CAMKV: variants seen among roughly 807,000 people sequenced by gnomAD.
CAMKV encodes CaM kinase like vesicle associated.
A neutral mutation model predicts 50.2 loss-of-function variants in CAMKV; 5 were observed. The observed-to-expected ratio is 0.10, with a 90% CI of 0.05 to 0.21. The LOEUF (loss-of-function observed/expected upper bound fraction) is 0.21, where lower values mean the gene tolerates loss of function less well. CAMKV is among the 10% of genes least tolerant of loss of function. CAMKV has a pLI of 1.00. For missense variants in CAMKV, 361 were observed against 650.5 expected (o/e 0.55, Z 4.84); for synonymous variants, 229 against 250.1 (o/e 0.92, Z 0.80).
At position 49,861,340 on chromosome 3, in the gene CAMKV, C is replaced by T. The variant is rs2082019684; in HGVS notation, c.442-40G>A. 6.2e-7 allele frequency: 1 copy of T among 1,613,932 alleles called. No individual in the cohort carries two copies. The highest frequency in any genetic ancestry group is 8.5e-7 in the Non-Finnish European group (1 of 1,179,932). On this transcript the variant is annotated intron_variant, in intron 5 of 10. Transcript: ENST00000477224. The surrounding 1 kb of genome is among the most constrained non-coding windows in gnomAD (Gnocchi z 7.7). ...TAGCATGTGGGTGAGCAGAAGACAC[C>T]ATGAGGACCTTGGAGGCTAGACCAA...
intron 1 of CAMKV, among the ~76,000 whole-genome samples, chr3:49,868,614 G>A (rs1179756685): frequency 6.6e-6 from 1 of 152,206 alleles, no homozygotes; most frequent in East Asian, 1.9e-4. Flanking sequence ...TATTAGAAAA[G>A]GGAGACCCTT....
Position 49,860,246 on chromosome 3 carries a change from A to G in CAMKV, c.867T>C (p.Asn289=), listed in dbSNP as rs767094127. The G allele has an allele frequency of 6.2e-7, 1 of 1,614,158 alleles. No homozygotes were observed. Among genetic ancestry groups the G allele is most frequent in the South Asian group, 1.1e-5 (1 of 91,088 alleles). The part of the protein sequence containing the change: ...EAISHEWISG[N]AASDKNIKDG... Reference sequence around the variant, plus strand: ...CCTTGATGTTCTTATCAGAAGCAGCATTGCCAGAAATCCTGGAAAGGGTGC... The same window carrying G: ...CCTTGATGTTCTTATCAGAAGCAGCGTTGCCAGAAATCCTGGAAAGGGTGC... The change falls in exon 10 of 11, where the codon AAT becomes AAC. Residue 289 remains asparagine, a synonymous_variant. Transcript: ENST00000477224. This position sits in a 1 kb window ranked among gnomAD's most constrained non-coding sequence, Gnocchi z 6.1.
Position 49,859,585 on chromosome 3 carries a change from G to A in CAMKV, c.1239C>T (p.Ala413=). The A allele has an allele frequency of 6.2e-7, 1 of 1,614,204 alleles. No individual in the cohort carries two copies. The highest frequency in any genetic ancestry group is 8.5e-7 in the Non-Finnish European group (1 of 1,180,022). Residue 413 remains alanine, a synonymous_variant, in exon 11 of 11, where the codon GCC becomes GCT. Transcript: ENST00000477224. This position sits in a 1 kb window ranked among gnomAD's most constrained non-coding sequence, Gnocchi z 5.5. ...TPATDGSITP[A]TDGSVTPATD... ...TGGCTGGGGTGACACTCCCATCAGTGGCTGGAGTGATGCTTCCATCGGTGG... is the reference window on the plus strand; with the variant it reads ...TGGCTGGGGTGACACTCCCATCAGTAGCTGGAGTGATGCTTCCATCGGTGG...
rs1189345134 is a variant in CAMKV at position 49,862,533 on chromosome 3, G to A, written c.-14-131C>T. 6 of 743,514 alleles carry A rather than the reference G, an allele frequency of 8.1e-6. No individual in the cohort carries two copies. Among genetic ancestry groups the A allele is most frequent in the African/African-American group, 1.7e-5 (1 of 58,110 alleles). 46.1% of individuals were successfully genotyped at this position (743,514 alleles called of 1,614,324 possible). ...AGAGACCATACCAGGAGGGGCTAGA[G>A]GATAGGCAGGCTTAGATCCTACCCC... On this transcript the variant is annotated intron_variant, in intron 1 of 10. Coordinates refer to ENST00000477224, the MANE Select transcript of CAMKV (RefSeq NM_024046.5). The surrounding 1 kb of genome is among the most constrained non-coding windows in gnomAD (Gnocchi z 5.2).
rs773994158 is a variant in CAMKV, at chr3:49,862,207, G to T, written c.96-31C>A. 1.2e-6 allele frequency: 2 copies of T among 1,614,074 alleles called. No homozygotes were observed. Among genetic ancestry groups the T allele is most frequent in the Admixed American group, 3.3e-5 (2 of 60,024 alleles). ...GCCGACAGGCACCCACTCAGGCCTG[G>T]CCTTAGCATCAGCTGCACTCCACTG... On this transcript the variant is annotated intron_variant, in intron 2 of 10. Coordinates refer to ENST00000477224, the MANE Select transcript of CAMKV (RefSeq NM_024046.5). This position sits in a 1 kb window ranked among gnomAD's most constrained non-coding sequence, Gnocchi z 5.2.
Position 49,858,593 on chromosome 3 carries a change from G to A in CAMKV, c.*725C>T, listed in dbSNP as rs2081996152. On this transcript the variant is annotated 3_prime_UTR_variant, in exon 11 of 11. Transcript: ENST00000477224. Reference sequence around the variant, plus strand: ...CCTCCTTTCCCTTAGAGGCTCATGAGGTTCAGGGTACAGGGCAGCCCACTG... The same window carrying A: ...CCTCCTTTCCCTTAGAGGCTCATGAAGTTCAGGGTACAGGGCAGCCCACTG... The A allele has an allele frequency of 5.3e-6, 2 of 378,060 alleles. No homozygotes were observed. The highest frequency in any genetic ancestry group is 3.8e-5 in the East Asian group (1 of 26,468). The allele number at this position is 378,060 out of a possible 1,614,324, so 23.4% of individuals were successfully genotyped here. A position where few individuals can be genotyped will look rare whatever the true frequency, so the allele number is the denominator to read the frequency against.
chr3:49,868,876 C>G (rs554473145), intron 1 of CAMKV, among the ~76,000 whole-genome samples: 4 of 152,322 alleles, frequency 2.6e-5, no homozygotes, highest in African/African-American at 9.6e-5. Flanking sequence ...TAGGAAGGAA[C>G]CTGGTGGAGC....
chr3:49,862,095 G>T lies in CAMKV; in HGVS notation c.177C>A (p.Asp59Glu). ...LHTCKKFQKR[D>E]GRKVRKAAKN... Reference sequence around the variant, plus strand: ...TGGCAGCTTTCCGCACCTTGCGGCCGTCCCGCTTCTGGAACTTCTTGCAGG... The same window carrying T: ...TGGCAGCTTTCCGCACCTTGCGGCCTTCCCGCTTCTGGAACTTCTTGCAGG... Residue 59 changes from aspartate (D) to glutamate (E), a missense_variant, in exon 3 of 11, where the codon GAC becomes GAA. Physicochemically the swap from Asp to Glu is conservative, Grantham distance 45 (BLOSUM62 2). Coordinates refer to ENST00000477224, the MANE Select transcript of CAMKV (RefSeq NM_024046.5). The surrounding 1 kb of genome is among the most constrained non-coding windows in gnomAD (Gnocchi z 5.2). The T allele has an allele frequency of 6.2e-7, 1 of 1,614,138 alleles. No homozygotes were observed. Among genetic ancestry groups the T allele is most frequent in the Non-Finnish European group, 8.5e-7 (1 of 1,180,028 alleles).
rs1345974425 is a variant in CAMKV, at chr3:49,869,684, G to A, written c.-15+74C>T. 2.0e-5 allele frequency: 3 copies of A among 152,172 alleles called. No individual in the cohort carries two copies. The highest frequency in any genetic ancestry group is 2.9e-5 in the Non-Finnish European group (2 of 68,058). The allele number at this position is 152,172 out of a possible 1,614,324, so 9.4% of individuals were successfully genotyped here. ...CCGCGCACTCTGCATCCCGCACCTC[G>A]AGCCAGGGAAACAATCCCCCAAGGC... On this transcript the variant is annotated intron_variant, in intron 1 of 10. Coordinates refer to ENST00000477224, the MANE Select transcript of CAMKV (RefSeq NM_024046.5). This position sits in a 1 kb window ranked among gnomAD's most constrained non-coding sequence, Gnocchi z 5.2.
In CAMKV at chr3:49,867,729, T is replaced by TGG. The variant is rs1414642084; in HGVS notation, c.-15+2027_-15+2028dup. 2.0e-5 allele frequency among the ~76,000 whole-genome samples: 3 copies of TGG among 150,476 alleles called. No homozygotes were observed. In the East Asian group the frequency reaches 5.9e-4, roughly 29 times the overall value. On this transcript the variant is annotated intron_variant, in intron 1 of 10. Transcript: ENST00000477224. The stretch of plus-strand genomic sequence containing the variant: ...CAGGTCCCCATCAAGAAAGGGGAGG[T>TGG]GGGGAGATGGAGAGAATTTAGAAAA...
rs754372447 is a variant in CAMKV, at chr3:49,862,116, G to A, written c.156C>T (p.Cys52=). ...KDKTTGKLHT[C]KKFQKRDGRK... ...GGCCGTCCCGCTTCTGGAACTTCTT[G>A]CAGGTGTGCAGCTTGCCTGTCGTCT... Residue 52 remains cysteine, a synonymous_variant, in exon 3 of 11, where the codon TGC becomes TGT. Coordinates refer to ENST00000477224, the MANE Select transcript of CAMKV (RefSeq NM_024046.5). This position sits in a 1 kb window ranked among gnomAD's most constrained non-coding sequence, Gnocchi z 5.2. 1.2e-6 allele frequency: 2 copies of A among 1,614,098 alleles called. No individual in the cohort carries two copies. Among genetic ancestry groups the A allele is most frequent in the South Asian group, 2.2e-5 (2 of 91,078 alleles).
At position 49,859,296 on chromosome 3, in the gene CAMKV, C is replaced by T. The variant is rs768866218; in HGVS notation, c.*22G>A. 6.6e-7 allele frequency: 1 copy of T among 1,511,986 alleles called. No individual in the cohort carries two copies. The highest frequency in any genetic ancestry group is 8.8e-7 in the Non-Finnish European group (1 of 1,133,592). 93.7% of individuals were successfully genotyped at this position (1,511,986 alleles called of 1,614,324 possible). ...TCCCACCCTCCTGCCCATCCCCTGC[C>T]CCCCCTCACCAGGCTGCCTACTCAG... is the stretch of plus-strand genomic sequence containing the variant. On this transcript the variant is annotated 3_prime_UTR_variant, in exon 11 of 11. Transcript: ENST00000477224. The surrounding 1 kb of genome is among the most constrained non-coding windows in gnomAD (Gnocchi z 5.5).
Position 49,861,881 on chromosome 3 carries a change from G to A in CAMKV, c.228-16C>T, listed in dbSNP as rs1383927557. On this transcript the variant is annotated splice_polypyrimidine_tract_variant and intron_variant, in intron 3 of 10. Coordinates refer to ENST00000477224, the MANE Select transcript of CAMKV (RefSeq NM_024046.5). The surrounding 1 kb of genome is among the most constrained non-coding windows in gnomAD (Gnocchi z 7.7). ...ATGCTTCACCCTGGCGACAGGGAGG[G>A]GAGCCAGTAGTTAGGGCTGGATGAA... 1 of 1,613,310 alleles carries A rather than the reference G, an allele frequency of 6.2e-7. No individual in the cohort carries two copies. Among genetic ancestry groups the A allele is most frequent in the Non-Finnish European group, 8.5e-7 (1 of 1,179,630 alleles).
In CAMKV at chr3:49,859,843, C is replaced by T. The variant is rs144482872; in HGVS notation, c.981G>A (p.Arg327=). The part of the protein sequence containing the change: ...VRVTTLMKRL[R]APEQSSTAAA... ...CAGCCGTGCTGGACTGCTCTGGTGC[C>T]CGGAGCCGTTTCATGAGGGTGGTCA... is the stretch of plus-strand genomic sequence containing the variant. Residue 327 remains arginine (R), a synonymous_variant, in exon 11 of 11, where the codon CGG becomes CGA. Transcript: ENST00000477224. This position sits in a 1 kb window ranked among gnomAD's most constrained non-coding sequence, Gnocchi z 5.5. 416 of 1,516,514 alleles carry T rather than the reference C, an allele frequency of 2.7e-4. No individual in the cohort carries two copies. The highest frequency in any genetic ancestry group is 3.5e-4 in the Non-Finnish European group (403 of 1,139,536). 93.9% of individuals were successfully genotyped at this position (1,516,514 alleles called of 1,614,324 possible).
intron 1 of CAMKV, among the ~76,000 whole-genome samples, chr3:49,867,918 T>G (rs2082077336): frequency 6.6e-6 from 1 of 152,164 alleles, no homozygotes; most frequent in Admixed American, 6.5e-5. Flanking sequence ...AAGGCCTCCA[T>G]GGCGATGTGC....
In CAMKV at chr3:49,862,991, C is replaced by T. The variant is rs1035468618; in HGVS notation, c.-14-589G>A. On this transcript the variant is annotated intron_variant, in intron 1 of 10. Coordinates refer to ENST00000477224, the MANE Select transcript of CAMKV (RefSeq NM_024046.5). The surrounding 1 kb of genome is among the most constrained non-coding windows in gnomAD (Gnocchi z 5.2). ...TCATAGTAGCCATATACATAATCGC[C>T]AAAAATTGAAAACAGACCAAATACC... Among the ~76,000 whole-genome samples the T allele has an allele frequency of 6.6e-6, 1 of 152,176 alleles. No individual in the cohort carries two copies. The highest frequency in any genetic ancestry group is 2.1e-4 in the South Asian group (1 of 4,824).
At position 49,859,950 on chromosome 3, in the gene CAMKV, A is replaced by G. The variant is rs1184828004; in HGVS notation, c.943-69T>C. The G allele has an allele frequency of 1.4e-6, 2 of 1,424,130 alleles. No homozygotes were observed. Among genetic ancestry groups the G allele is most frequent in the Non-Finnish European group, 1.9e-6 (2 of 1,067,996 alleles). 88.2% of individuals were successfully genotyped at this position (1,424,130 alleles called of 1,614,324 possible). A position where few individuals can be genotyped will look rare whatever the true frequency, so the allele number is the denominator to read the frequency against. ...GGATCCATTGCTTGGCAGTGACCAA[A>G]CCAAACTCCTTCCATAGTACCCCCG... On this transcript the variant is annotated intron_variant, in intron 10 of 10. Coordinates refer to ENST00000477224, the MANE Select transcript of CAMKV (RefSeq NM_024046.5). The surrounding 1 kb of genome is among the most constrained non-coding windows in gnomAD (Gnocchi z 5.5).
chr3:49,869,440 G>C lies in CAMKV; in HGVS notation c.-15+318C>G, dbSNP rs1055832626. On this transcript the variant is annotated intron_variant, in intron 1 of 10. Transcript: ENST00000477224. This position sits in a 1 kb window ranked among gnomAD's most constrained non-coding sequence, Gnocchi z 5.2. ...AGGGGCTGGAGGCGGCTCTGGGAAC[G>C]GGGAGGGACGGCTCAGCTCTCGGCC... is the stretch of plus-strand genomic sequence containing the variant. 5.9e-5 allele frequency among the ~76,000 whole-genome samples: 9 copies of C among 152,180 alleles called. No homozygotes were observed. Among genetic ancestry groups the C allele is most frequent in the Non-Finnish European group, 1.3e-4 (9 of 68,016 alleles).
Position 49,862,717 on chromosome 3 carries a change from T to C in CAMKV, c.-14-315A>G, listed in dbSNP as rs563692865. Among the ~76,000 whole-genome samples, 18 of 152,252 alleles carry C rather than the reference T, an allele frequency of 1.2e-4. No individual in the cohort carries two copies. Among genetic ancestry groups the C allele is most frequent in the Non-Finnish European group, 2.6e-4 (18 of 68,044 alleles). On this transcript the variant is annotated intron_variant, in intron 1 of 10. Coordinates refer to ENST00000477224, the MANE Select transcript of CAMKV (RefSeq NM_024046.5). This position sits in a 1 kb window ranked among gnomAD's most constrained non-coding sequence, Gnocchi z 5.2. ...AAACAGTTTATTTAAATTTCAGCTA[T>C]TTTACAGATGAAGGGGGCTATAACC... is the stretch of plus-strand genomic sequence containing the variant.
Sources: gnomAD v4.1 joint callset for allele counts (sites outside exome capture counted in the v4.1 genomes callset) on GRCh38, gnomAD v4.1.1 for gene constraint, Gnocchi (gnomAD v3.1) non-coding constraint, MANE v1.5 for transcripts, NCBI Gene and HGNC (gene_info 2026-07-23, HGNC 2026-07-21) for gene names.